Variants in TMEM177 observed in about 807,000 individuals in gnomAD.
The protein encoded by TMEM177 is transmembrane protein 177.
TMEM177 carries 4 observed loss-of-function variants against 14.2 expected under a neutral mutation model. The ratio of observed to expected loss-of-function variants is 0.28; its 90% CI spans 0.14 to 0.64. TMEM177 has a LOEUF of 0.64. Ranked by LOEUF, TMEM177 falls within the 30% of genes least tolerant of loss-of-function variation. TMEM177 has a pLI of 0.82. For synonymous variants in TMEM177, 179 were observed against 174.5 expected, an observed-to-expected ratio of 1.03 and a Z score of -0.20; for missense variants, 344 against 405.2, an observed-to-expected ratio of 0.85 and a Z score of 1.30.
the TMEM177 span, among the ~76,000 whole-genome samples, chr2:119,698,283 G>A: frequency 6.6e-6 from 1 of 152,140 alleles, no homozygotes; most frequent in African/African-American, 2.4e-5. Flanking sequence ...GTTCCTTCTG[G>A]AGGGAACTTC....
the TMEM177 span, among the ~76,000 whole-genome samples, chr2:119,718,144 G>A: frequency 2.6e-5 from 4 of 152,206 alleles, no homozygotes; most frequent in South Asian, 2.1e-4. Flanking sequence ...GGAATAAAGC[G>A]GACAGTTCCT....
chr2:119,699,914 T>C, the TMEM177 span: 28 of 449,424 alleles, frequency 6.2e-5, no homozygotes, highest in African/African-American at 4.2e-4. Context: ...AATGCTGAAC[T>C]TAAGGGTTTA....
the TMEM177 span, among the ~76,000 whole-genome samples, chr2:119,723,481 A>G: frequency 2.0e-5 from 3 of 152,200 alleles, no homozygotes; most frequent in East Asian, 3.8e-4. Context: ...CAGGAGAGCC[A>G]AGTTCCGCCT....
chr2:119,700,398 G>C, the TMEM177 span, among the ~76,000 whole-genome samples: 193 of 152,188 alleles, frequency 1.3e-3, 1 homozygote, highest in African/African-American at 4.4e-3. Flanking sequence ...TTGGCTTTCC[G>C]GGACATTTAA....
the TMEM177 span, among the ~76,000 whole-genome samples, chr2:119,717,605 C>CTTTTTTTTT: frequency 6.8e-5 from 6 of 88,452 alleles, no homozygotes; most frequent in Non-Finnish European, 1.1e-4. Flanking sequence ...TGACTTGAGT[C>CTTTTTTTTT]TTTTTTTTTT....
In TMEM177 at chr2:119,681,362, C is replaced by T. The variant is rs528865369; in HGVS notation, c.509C>T (p.Ala170Val). The change falls in exon 2 of 2, where the codon GCC (alanine) becomes GTC (valine). Residue 170 changes from alanine (A) to valine (V), a missense_variant. Ala to Val is a moderately conservative substitution (Grantham distance 64). Coordinates refer to ENST00000272521, the MANE Select transcript of TMEM177 (RefSeq NM_030577.3). The part of the protein sequence containing the change: ...YLESSTTAVH[A>V]LLAPACLAGT... ...GAAAGCAGTACCACTGCCGTGCACG[C>T]CCTGCTGGCCCCAGCTTGCCTGGCA... 4.8e-5 allele frequency: 78 copies of T among 1,614,006 alleles called. 2 individuals carry two copies. In the South Asian group the frequency reaches 8.5e-4, roughly 17 times the overall value.
downstream of TMEM177, among the ~76,000 whole-genome samples, chr2:119,684,360 C>T (rs750372307): frequency 5.3e-5 from 8 of 152,184 alleles, no homozygotes; most frequent in Non-Finnish European, 1.2e-4. Flanking sequence ...CCCTGTCTCA[C>T]GTCAGATGCC....
At position 119,681,802 on chromosome 2, in the gene TMEM177, A is replaced by G. The variant is rs1688914835; in HGVS notation, c.*13A>G. On this transcript the variant is annotated 3_prime_UTR_variant, in exon 2 of 2. Transcript: ENST00000272521. ...GGGCCGCTCCTGATGGGCTCATCACAAGGACACTTCCAGCTTGTGCAGACA... is the reference window on the plus strand; with the variant it reads ...GGGCCGCTCCTGATGGGCTCATCACGAGGACACTTCCAGCTTGTGCAGACA... 6.2e-7 allele frequency: 1 copy of G among 1,605,378 alleles called. No individual in the cohort carries two copies. Among genetic ancestry groups the G allele is most frequent in the South Asian group, 1.1e-5 (1 of 89,768 alleles).
downstream of TMEM177, among the ~76,000 whole-genome samples, chr2:119,687,569 T>A (rs1266745078): frequency 3.9e-5 from 6 of 152,226 alleles, no homozygotes; most frequent in East Asian, 7.7e-4. Context: ...CTCGCTATCA[T>A]GAGAACAGCA....
At chr2:119,685,165 T>C (rs1020293249), downstream of TMEM177, among the ~76,000 whole-genome samples, 1 of 150,898 alleles carries the variant, frequency 6.6e-6, no homozygotes, top group African/African-American at 2.5e-5. Flanking sequence ...AGGACTTGGC[T>C]GACTTACAGA....
chr2:119,720,679 T>C, the TMEM177 span, among the ~76,000 whole-genome samples: 2 of 152,230 alleles, frequency 1.3e-5, no homozygotes, highest in Non-Finnish European at 2.9e-5. Context: ...GTGCCAGCCT[T>C]GTCCCAACCC....
downstream of TMEM177, among the ~76,000 whole-genome samples, chr2:119,688,393 A>ACC (rs1689048660): frequency 6.6e-6 from 1 of 152,182 alleles, no homozygotes; most frequent in Non-Finnish European, 1.5e-5. Context: ...AATGCCTTGG[A>ACC]AGGCAATTCC....
At chr2:119,717,605 C>CTTTTTTTTTTT in the TMEM177 span, among the ~76,000 whole-genome samples, 2 of 88,450 alleles carry the variant, frequency 2.3e-5, no homozygotes, top group Admixed American at 1.4e-4. Context: ...TGACTTGAGT[C>CTTTTTTTTTTT]TTTTTTTTTT....
the TMEM177 span, among the ~76,000 whole-genome samples, chr2:119,713,602 G>C: frequency 6.6e-6 from 1 of 152,168 alleles, no homozygotes; most frequent in Non-Finnish European, 1.5e-5. Context: ...CACTTTGGGA[G>C]CCCGAGGCAG....
chr2:119,705,986 A>C, the TMEM177 span, among the ~76,000 whole-genome samples: 367 of 38,290 alleles, frequency 9.6e-3, 1 homozygote, highest in African/African-American at 0.022. Context: ...CTCTCTCTCT[A>C]TATATATATA....
chr2:119,716,092 C>T, the TMEM177 span, among the ~76,000 whole-genome samples: 1 of 152,210 alleles, frequency 6.6e-6, no homozygotes, highest in Non-Finnish European at 1.5e-5. Context: ...AACACACGAG[C>T]AGATCCATAA....
At chr2:119,709,319 T>C in the TMEM177 span, among the ~76,000 whole-genome samples, 1 of 152,186 alleles carries the variant, frequency 6.6e-6, no homozygotes, top group East Asian at 1.9e-4. Context: ...TGCCTAAAAA[T>C]CCCACCACAT....
the TMEM177 span, among the ~76,000 whole-genome samples, chr2:119,700,511 C>T: frequency 6.6e-6 from 1 of 152,138 alleles, no homozygotes; most frequent in Non-Finnish European, 1.5e-5. Flanking sequence ...TCCTTTAATC[C>T]TCACAACACT....
chr2:119,713,163 G>A, the TMEM177 span, among the ~76,000 whole-genome samples: 751 of 151,788 alleles, frequency 4.9e-3, 6 homozygotes, highest in African/African-American at 0.018. Context: ...TCTGCCTCCC[G>A]GGTTCAAGTG....
Sources: allele counts gnomAD v4.1 joint callset (sites outside exome capture counted in the v4.1 genomes callset), GRCh38; gene constraint gnomAD v4.1.1; transcripts MANE v1.5; gene names NCBI Gene and HGNC (gene_info 2026-07-23, HGNC 2026-07-21).